The following CADM2 variants were observed in gnomAD, a reference collection of about 807,000 sequenced individuals.
CADM2 encodes cell adhesion molecule 2.
Under a neutral mutation model 49.8 loss-of-function variants are expected in CADM2, and 12 were observed. The ratio of observed to expected loss-of-function variants is 0.24; its 90% confidence interval spans 0.15 to 0.39. The LOEUF (loss-of-function observed/expected upper bound fraction) is 0.39. CADM2 is among the 10% of genes least tolerant of loss of function. The pLI, the probability that CADM2 is intolerant of heterozygous loss-of-function variation, is 1.00. For missense variants in CADM2, 378 were observed against 492.3 expected (o/e 0.77, Z 2.20); for synonymous variants, 214 against 175.4 (o/e 1.22, Z -1.74).
Position 85,011,304 on chromosome 3 carries a change from CAG to C in CADM2, c.61+51639_61+51640del, listed in dbSNP as rs999519331. Among the ~76,000 whole-genome samples the C allele has an allele frequency of 7.2e-5, 11 of 152,158 alleles. 1 individual carries two copies. The highest frequency in any genetic ancestry group is 2.7e-4 in the African/African-American group (11 of 41,502). On this transcript the variant is annotated intron_variant, in intron 1 of 9. Transcript: ENST00000383699. ...ATCTCTTTGTTCCCTGCACATTTAG[CAG>C]AGTGTGTTATTCAAACTACATATTC...
intron 1 of CADM2, among the ~76,000 whole-genome samples, chr3:85,357,469 A>C (rs535675950): frequency 6.6e-6 from 1 of 152,228 alleles, no homozygotes; most frequent in Non-Finnish European, 1.5e-5. Context: ...ATCATTTATT[A>C]TTGAGTACAT....
intron 8 of CADM2, among the ~76,000 whole-genome samples, chr3:86,046,441 G>C (rs1250482716): frequency 1.3e-5 from 2 of 152,058 alleles, no homozygotes; most frequent in Non-Finnish European, 2.9e-5. Context: ...TTGCCTAGAT[G>C]ATTGCTTCTG....
chr3:85,940,286 C>T (rs1441509428), intron 7 of CADM2, among the ~76,000 whole-genome samples: 2 of 151,644 alleles, frequency 1.3e-5, no homozygotes, highest in Non-Finnish European at 1.5e-5. Flanking sequence ...TTGCAGTGAG[C>T]CGAGATCACG....
intron 1 of CADM2, among the ~76,000 whole-genome samples, chr3:85,176,348 G>C (rs966266045): frequency 1.3e-5 from 2 of 152,064 alleles, no homozygotes; most frequent in Non-Finnish European, 2.9e-5. Context: ...TGTTAAACAG[G>C]TATTGCCTTT....
At chr3:85,248,583 A>G (rs1203545006) in intron 1 of CADM2, among the ~76,000 whole-genome samples, 1 of 152,148 alleles carries the variant, frequency 6.6e-6, no homozygotes, top group Non-Finnish European at 1.5e-5. Flanking sequence ...GCCTACATAC[A>G]TATTTATTAA....
At chr3:85,363,954 G>A (rs1318106511) in intron 1 of CADM2, among the ~76,000 whole-genome samples, 1 of 152,150 alleles carries the variant, frequency 6.6e-6, no homozygotes, top group Non-Finnish European at 1.5e-5. Flanking sequence ...ATTTGAGAGA[G>A]ACTTCATATT....
At chr3:85,009,675 G>A (rs1007669722) in intron 1 of CADM2, among the ~76,000 whole-genome samples, 2 of 151,984 alleles carry the variant, frequency 1.3e-5, no homozygotes, top group African/African-American at 2.4e-5. Context: ...AGACCAGCCT[G>A]GACAACACGG....
At chr3:85,672,114 T>C (rs776169111) in intron 1 of CADM2, among the ~76,000 whole-genome samples, 4 of 152,186 alleles carry the variant, frequency 2.6e-5, no homozygotes, top group Non-Finnish European at 5.9e-5. Flanking sequence ...TCTCATATAG[T>C]TATTCAAACA....
chr3:85,384,841 T>C (rs903649514), intron 1 of CADM2, among the ~76,000 whole-genome samples: 1 of 152,058 alleles, frequency 6.6e-6, no homozygotes, highest in African/African-American at 2.4e-5. Context: ...ACCTTTTATT[T>C]CAGGAAAAAA....
At chr3:85,023,713 C>A (rs2034603779) in intron 1 of CADM2, among the ~76,000 whole-genome samples, 1 of 152,000 alleles carries the variant, frequency 6.6e-6, no homozygotes, top group South Asian at 2.1e-4. Context: ...AAATTTCTGT[C>A]ACTCCTAAAT....
chr3:85,117,462 A>G (rs374283167), intron 1 of CADM2, among the ~76,000 whole-genome samples: 21 of 152,198 alleles, frequency 1.4e-4, no homozygotes, highest in African/African-American at 4.8e-4. Flanking sequence ...TGAAAAGAGC[A>G]ATGTCATGAG....
chr3:85,073,782 T>A (rs1309682068), intron 1 of CADM2, among the ~76,000 whole-genome samples: 3 of 152,134 alleles, frequency 2.0e-5, no homozygotes, highest in Non-Finnish European at 1.5e-5. Context: ...TAGTGGGTAT[T>A]TCACACTGAC....
At chr3:85,389,054 A>G (rs1354529415) in intron 1 of CADM2, among the ~76,000 whole-genome samples, 1 of 152,118 alleles carries the variant, frequency 6.6e-6, no homozygotes, top group Non-Finnish European at 1.5e-5. Context: ...ATTGGGTTAT[A>G]TTTAAAACAA....
chr3:85,819,563 G>T (rs1446949109), intron 3 of CADM2, among the ~76,000 whole-genome samples: 1 of 152,036 alleles, frequency 6.6e-6, no homozygotes, highest in African/African-American at 2.4e-5. Context: ...ATTATTAAAA[G>T]ATCTTAAAGC....
chr3:85,480,834 A>C (rs769588846), intron 1 of CADM2, among the ~76,000 whole-genome samples: 6 of 151,894 alleles, frequency 4.0e-5, no homozygotes, highest in Non-Finnish European at 7.4e-5. Context: ...TTTAGGACAG[A>C]GTAACACAAA....
At chr3:85,196,374 G>C (rs993780019) in intron 1 of CADM2, among the ~76,000 whole-genome samples, 4 of 151,894 alleles carry the variant, frequency 2.6e-5, no homozygotes, top group African/African-American at 4.8e-5. Flanking sequence ...AATGACTACT[G>C]TTTTCTAGGA....
intron 1 of CADM2, among the ~76,000 whole-genome samples, chr3:85,611,401 G>A (rs148954527): frequency 7.2e-5 from 11 of 151,774 alleles, no homozygotes; most frequent in South Asian, 6.2e-4. Flanking sequence ...AGCATATCAC[G>A]AAATTTTCAA....
chr3:85,707,448 G>A (rs1295618103), intron 1 of CADM2, among the ~76,000 whole-genome samples: 1 of 142,978 alleles, frequency 7.0e-6, no homozygotes, highest in Non-Finnish European at 1.5e-5. Flanking sequence ...TATGTAGCCA[G>A]GACATTTTCA....
chr3:85,115,669 A>T (rs1273922603), intron 1 of CADM2, among the ~76,000 whole-genome samples: 1 of 152,178 alleles, frequency 6.6e-6, no homozygotes, highest in African/African-American at 2.4e-5. Flanking sequence ...CCAAAATTTT[A>T]TTATGTCAAG....
Sources: gnomAD v4.1 joint callset for allele counts (sites outside exome capture counted in the v4.1 genomes callset) on GRCh38, gnomAD v4.1.1 for gene constraint, MANE v1.5 for transcripts, NCBI Gene and HGNC (gene_info 2026-07-23, HGNC 2026-07-21) for gene names.